Variants in GBP7 observed in about 807,000 individuals in gnomAD.
GBP7 encodes guanylate-binding protein 7.
GBP7 carries 43 observed loss-of-function variants against 61.3 expected under a neutral mutation model. The ratio of observed to expected loss-of-function variants is 0.70; its 90% CI spans 0.55 to 0.91. The LOEUF (loss-of-function observed/expected upper bound fraction) is 0.91. Ranked by LOEUF, GBP7 falls within the 40% of genes least tolerant of loss-of-function variation. GBP7 has a pLI of 0.00. For synonymous variants in GBP7, 267 were observed against 271.0 expected (o/e 0.99, Z 0.14); for missense variants, 717 against 740.5 (o/e 0.97, Z 0.37).
chr1:89,139,694 C>T (rs976354720), intron 9 of GBP7, among the ~76,000 whole-genome samples: 1 of 152,198 alleles, frequency 6.6e-6, no homozygotes, highest in African/African-American at 2.4e-5. Flanking sequence ...TGAAAAAATG[C>T]TCATCATCAC....
At chr1:89,170,373 C>G (rs1003277945) in intron 2 of GBP7, among the ~76,000 whole-genome samples, 9 of 152,180 alleles carry the variant, frequency 5.9e-5, no homozygotes, top group African/African-American at 2.2e-4. Flanking sequence ...AATGCTGGCT[C>G]AGCACTTAAA....
chr1:89,174,018 C>T (rs1019702031), intron 1 of GBP7, among the ~76,000 whole-genome samples: 3 of 152,128 alleles, frequency 2.0e-5, no homozygotes, highest in African/African-American at 7.2e-5. Flanking sequence ...TTTTCTAACA[C>T]GAAGATCACA....
intron 2 of GBP7, among the ~76,000 whole-genome samples, chr1:89,168,360 CTG>C (rs1345890645): frequency 1.2e-4 from 19 of 152,162 alleles, no homozygotes; most frequent in Non-Finnish European, 2.5e-4. Flanking sequence ...ATAGGTCTCT[CTG>C]TGAGTAGAAA....
intron 3 of GBP7, 55 bp from the exon 4 acceptor site, chr1:89,152,832 A>C: frequency 1.7e-4 from 231 of 1,393,234 alleles, no homozygotes; most frequent in Non-Finnish European, 2.1e-4. Flanking sequence ...GATACATCTC[A>C]AGGTCAACTA....
At chr1:89,167,276 T>C (rs1647470537) in intron 2 of GBP7, among the ~76,000 whole-genome samples, 1 of 152,154 alleles carries the variant, frequency 6.6e-6, no homozygotes, top group African/African-American at 2.4e-5. Flanking sequence ...TGGGTTAAAA[T>C]CCCTTCTTTT....
In GBP7 at chr1:89,150,577, T is replaced by C. The variant is rs558907767; in HGVS notation, c.626-2A>G. ...AATTTTGGATTTGGGGATTCTTGCC[T>C]GCAGAATTAGTGAAAAAGTGACTAC... On this transcript the variant is annotated splice_acceptor_variant, in intron 5 of 10. Coordinates refer to ENST00000294671, the MANE Select transcript of GBP7 (RefSeq NM_207398.3). LOFTEE classifies it high-confidence loss of function. 1.7e-5 allele frequency: 27 copies of C among 1,613,100 alleles called. No individual in the cohort carries two copies. The East Asian group carries it at 5.6e-4, about 33-fold the overall frequency.
chr1:89,134,554 C>T (rs1273760684), intron 9 of GBP7, among the ~76,000 whole-genome samples: 1 of 151,100 alleles, frequency 6.6e-6, no homozygotes, highest in Non-Finnish European at 1.5e-5. Flanking sequence ...AAGGTTCAAG[C>T]CCCCAGCTCA....
At chr1:89,153,954 G>A (rs533910915) in intron 3 of GBP7, among the ~76,000 whole-genome samples, 14 of 152,232 alleles carry the variant, frequency 9.2e-5, no homozygotes, top group South Asian at 6.2e-4. Flanking sequence ...AATTGTTAGG[G>A]TATGATCATA....
chr1:89,166,122 C>A (rs1171547350), intron 2 of GBP7, among the ~76,000 whole-genome samples: 2 of 152,098 alleles, frequency 1.3e-5, no homozygotes, highest in African/African-American at 4.8e-5. Context: ...TAGTGGCAGA[C>A]ACAAACTAAG....
rs200689487 is a variant in GBP7 at position 89,152,271 on chromosome 1, A to G, written c.622T>C (p.Ser208Pro). Residue 208 changes from serine to proline, a missense_variant, in exon 5 of 11, where the codon TCA (serine) becomes CCA (proline). Coordinates refer to ENST00000294671, the MANE Select transcript of GBP7 (RefSeq NM_207398.3). ...CATCTAGGCCATGCTCTGATACCTGAAATCAGCTTCAAGGCATTCTCCAGG... is the reference window on the plus strand; with the variant it reads ...CATCTAGGCCATGCTCTGATACCTGGAATCAGCTTCAAGGCATTCTCCAGG... ...EYLENALKLI[S>P]GKNPQIQNSN... The G allele has an allele frequency of 2.7e-5, 43 of 1,613,614 alleles. No individual in the cohort carries two copies. The Middle Eastern group carries it at 6.6e-4, about 25-fold the overall frequency.
At chr1:89,149,724 C>T in intron 6 of GBP7, 152 bp from the exon 7 acceptor site, 1 of 611,344 alleles carries the variant, frequency 1.6e-6, no homozygotes. Flanking sequence ...ATTACTACTA[C>T]TACTTTTTAT....
chr1:89,171,995 T>C, intron 1 of GBP7, 41 bp from the exon 2 acceptor site: 1 of 1,376,866 alleles, frequency 7.3e-7, no homozygotes, highest in Non-Finnish European at 1.0e-6. Flanking sequence ...GTCTGGTAAG[T>C]CAGTTGAGCT....
intron 9 of GBP7, among the ~76,000 whole-genome samples, chr1:89,138,850 A>C (rs1304553115): frequency 6.6e-6 from 1 of 152,218 alleles, no homozygotes; most frequent in Non-Finnish European, 1.5e-5. Flanking sequence ...TCAACTAAAG[A>C]GTTCATGCAC....
chr1:89,145,351 C>T (rs12741041), intron 8 of GBP7, among the ~76,000 whole-genome samples: 5,268 of 152,248 alleles, frequency 0.035, 211 homozygotes, highest in Admixed American at 0.14. Context: ...CCTCCAGGTT[C>T]ATTCATGTTG....
intron 8 of GBP7, among the ~76,000 whole-genome samples, chr1:89,142,305 A>C (rs1439678819): frequency 6.6e-6 from 1 of 152,162 alleles, no homozygotes. Flanking sequence ...TCACCCAAGC[A>C]CAAGTTCAAT....
At chr1:89,155,668 AAAG>A (rs1477798336) in intron 3 of GBP7, among the ~76,000 whole-genome samples, 1 of 152,166 alleles carries the variant, frequency 6.6e-6, no homozygotes, top group Non-Finnish European at 1.5e-5. Context: ...AAAAGAGTAA[AAAG>A]AAATGAACAA....
At chr1:89,156,376 G>C (rs1029295965) in intron 3 of GBP7, among the ~76,000 whole-genome samples, 1 of 152,090 alleles carries the variant, frequency 6.6e-6, no homozygotes. Context: ...ATGTAAATGG[G>C]CTAAATGCTC....
intron 2 of GBP7, among the ~76,000 whole-genome samples, chr1:89,168,795 AC>A (rs1647512724): frequency 6.6e-6 from 1 of 151,610 alleles, no homozygotes; most frequent in East Asian, 1.9e-4. Flanking sequence ...AACAACAACA[AC>A]AACAACAACA....
At chr1:89,152,616 T>C (rs1324333753) in intron 4 of GBP7, 52 bp downstream of exon 4, 1 of 1,561,550 alleles carries the variant, frequency 6.4e-7, no homozygotes, top group African/African-American at 1.4e-5. Context: ...AGTATCAGTT[T>C]CCATTCCCCT....
Sources: gnomAD v4.1 joint callset for allele counts (sites outside exome capture counted in the v4.1 genomes callset) on GRCh38, gnomAD v4.1.1 for gene constraint, MANE v1.5 for transcripts, NCBI Gene and HGNC (gene_info 2026-07-23, HGNC 2026-07-21) for gene names.